The following CD8B2 variants were observed in gnomAD, a reference collection of about 807,000 sequenced individuals.
CD8B2 encodes CD8B family member 2.
CD8B2 carries 11 observed loss-of-function variants against 23.7 expected under a neutral mutation model. The observed-to-expected ratio is 0.46, with a 90% confidence interval of 0.29 to 0.77. CD8B2 has a LOEUF of 0.77. CD8B2 is among the 30% of genes least tolerant of loss of function. The probability of loss-of-function intolerance (pLI) is 0.09; values close to 1 mark genes in which losing one functional copy is unlikely to be tolerated. For synonymous variants in CD8B2, 90 were observed against 109.3 expected, an observed-to-expected ratio of 0.82 and a Z score of 1.10; for missense variants, 197 against 270.5, an observed-to-expected ratio of 0.73 and a Z score of 1.91.
chr2:106,504,990 C>G (rs544049775), intron 5 of CD8B2, among the ~76,000 whole-genome samples: 29 of 152,306 alleles, frequency 1.9e-4, no homozygotes, highest in African/African-American at 7.0e-4. Flanking sequence ...TCACATAGCA[C>G]TCTTGGGGCC....
chr2:106,490,312 A>G (rs1364330808), intron 1 of CD8B2, among the ~76,000 whole-genome samples: 1 of 152,062 alleles, frequency 6.6e-6, no homozygotes, highest in Non-Finnish European at 1.5e-5. Context: ...TGTAAGTGGG[A>G]CTTTGAACAA....
At chr2:106,523,237 T>C (rs554423557) in intron 5 of CD8B2, among the ~76,000 whole-genome samples, 5 of 152,296 alleles carry the variant, frequency 3.3e-5, no homozygotes, top group Admixed American at 3.3e-4. Context: ...AGAAATTTGC[T>C]ACCAAGTGAT....
chr2:106,488,781 G>C (rs1022724550), intron 1 of CD8B2, among the ~76,000 whole-genome samples: 1 of 151,444 alleles, frequency 6.6e-6, no homozygotes, highest in African/African-American at 2.4e-5. Flanking sequence ...GATTTGGTGA[G>C]GATCAAATGA....
chr2:106,540,883 C>T (rs977038851), intron 5 of CD8B2, among the ~76,000 whole-genome samples: 1 of 152,184 alleles, frequency 6.6e-6, no homozygotes, highest in African/African-American at 2.4e-5. Flanking sequence ...TTATAACTAC[C>T]TTTTGCAGTA....
At chr2:106,539,990 G>T (rs1680147498) in intron 5 of CD8B2, among the ~76,000 whole-genome samples, 1 of 152,136 alleles carries the variant, frequency 6.6e-6, no homozygotes, top group Non-Finnish European at 1.5e-5. Flanking sequence ...TTTACATTGA[G>T]AATTAATTTT....
At chr2:106,527,198 A>T (rs1679918706) in intron 5 of CD8B2, among the ~76,000 whole-genome samples, 1 of 152,184 alleles carries the variant, frequency 6.6e-6, no homozygotes, top group African/African-American at 2.4e-5. Flanking sequence ...CAGGAATGTA[A>T]GAGGGTTCCA....
chr2:106,507,438 C>A lies in CD8B2; in HGVS notation c.*498C>A. 1 of 985,812 alleles carries A rather than the reference C, an allele frequency of 1.0e-6. No individual in the cohort carries two copies. The highest frequency in any genetic ancestry group is 1.2e-6 in the Non-Finnish European group (1 of 830,232). 61.1% of individuals were successfully genotyped at this position (985,812 alleles called of 1,614,324 possible). A position where few individuals can be genotyped will look rare whatever the true frequency, so the allele number is the denominator to read the frequency against. On this transcript the variant is annotated 3_prime_UTR_variant, in exon 6 of 6. Transcript: ENST00000643224. ...TGGGAATGAGGCTTGCTGAGAGGGG[C>A]TGTCCAGTTCCCAGAAGCCATGTCA...
chr2:106,533,887 C>T lies in CD8B2; in HGVS notation c.621-10105C>T, dbSNP rs749428107. On this transcript the variant is annotated intron_variant, in intron 5 of 5. Coordinates refer to the CD8B2 transcript ENST00000416057. ...CACTGGGAAGTTTGCCACAGGTGGA[C>T]ATTGGGCACCTGACCCTGATATGGC... 5.3e-4 allele frequency among the ~76,000 whole-genome samples: 80 copies of T among 152,316 alleles called. 1 individual carries two copies. The highest frequency in any genetic ancestry group is 9.8e-4 in the Admixed American group (15 of 15,304).
At position 106,506,956 on chromosome 2, in the gene CD8B2, T is replaced by A; in HGVS notation, c.*16T>A. On this transcript the variant is annotated 3_prime_UTR_variant, in exon 6 of 6. Coordinates refer to ENST00000643224, the MANE Select transcript of CD8B2 (RefSeq NM_001349727.2). ...TTACAAATGAGCAGAGAATACGGTTTTGGTGTCCTGCTACAAAAAGACATC... is the reference window on the plus strand; with the variant it reads ...TTACAAATGAGCAGAGAATACGGTTATGGTGTCCTGCTACAAAAAGACATC... 6.3e-7 allele frequency: 1 copy of A among 1,599,698 alleles called. No individual in the cohort carries two copies.
At chr2:106,523,321 T>G (rs1420479417) in intron 5 of CD8B2, among the ~76,000 whole-genome samples, 1 of 152,166 alleles carries the variant, frequency 6.6e-6, no homozygotes, top group Non-Finnish European at 1.5e-5. Context: ...GCCCCAAGTT[T>G]CTGTACAAGT....
At chr2:106,540,624 A>G (rs1221636219) in intron 5 of CD8B2, among the ~76,000 whole-genome samples, 1 of 151,690 alleles carries the variant, frequency 6.6e-6, no homozygotes, top group Non-Finnish European at 1.5e-5. Flanking sequence ...GAGTGCAGTG[A>G]CGCAATCTCA....
intron 5 of CD8B2, among the ~76,000 whole-genome samples, chr2:106,526,440 C>G (rs899953520): frequency 2.0e-5 from 3 of 152,196 alleles, no homozygotes; most frequent in Admixed American, 6.5e-5. Context: ...CTGCCACCCC[C>G]TCTTCTGAAA....
At chr2:106,536,228 C>T (rs1680087085) in intron 5 of CD8B2, among the ~76,000 whole-genome samples, 1 of 152,010 alleles carries the variant, frequency 6.6e-6, no homozygotes, top group Non-Finnish European at 1.5e-5. Flanking sequence ...GACAGGGTTT[C>T]TCCATGTTGG....
intron 3 of CD8B2, among the ~76,000 whole-genome samples, chr2:106,499,598 A>G (rs529167830): frequency 1.3e-5 from 2 of 151,942 alleles, no homozygotes; most frequent in East Asian, 3.9e-4. Context: ...ACCCATTTTA[A>G]GCATACAAAT....
chr2:106,514,380 C>T (rs1318245380), downstream of CD8B2, among the ~76,000 whole-genome samples: 5 of 151,036 alleles, frequency 3.3e-5, no homozygotes, highest in Admixed American at 6.6e-5. Flanking sequence ...CTCTGCCTCT[C>T]GGGTTCAAGC....
chr2:106,534,747 G>C (rs1680059825), intron 5 of CD8B2, among the ~76,000 whole-genome samples: 1 of 152,126 alleles, frequency 6.6e-6, no homozygotes, highest in Admixed American at 6.5e-5. Flanking sequence ...AAGCTCCCTG[G>C]GGAGGTAGGA....
chr2:106,534,910 C>A (rs1387982928), intron 5 of CD8B2, among the ~76,000 whole-genome samples: 1 of 152,162 alleles, frequency 6.6e-6, no homozygotes, highest in Non-Finnish European at 1.5e-5. Context: ...CCTCCTCCGC[C>A]TTCTGGGTTC....
chr2:106,506,410 C>G (rs1199124978), intron 5 of CD8B2, among the ~76,000 whole-genome samples: 1 of 152,202 alleles, frequency 6.6e-6, no homozygotes, highest in Non-Finnish European at 1.5e-5. Context: ...CAGACGTACT[C>G]TCTTCTACTG....
At chr2:106,541,926 A>T (rs940731811) in intron 5 of CD8B2, among the ~76,000 whole-genome samples, 8 of 152,208 alleles carry the variant, frequency 5.3e-5, no homozygotes, top group African/African-American at 1.9e-4. Flanking sequence ...AGCCTCTGCC[A>T]GCCATCCCAT....
Sources: allele counts gnomAD v4.1 joint callset (sites outside exome capture counted in the v4.1 genomes callset), GRCh38; gene constraint gnomAD v4.1.1; transcripts MANE v1.5; gene names NCBI Gene and HGNC (gene_info 2026-07-23, HGNC 2026-07-21).